The following UGP2 variants were observed in gnomAD, a reference collection of about 807,000 sequenced individuals.
UGP2 encodes the protein UTP--glucose-1-phosphate uridylyltransferase.
Under a neutral mutation model 49.0 loss-of-function variants are expected in UGP2, and 40 were observed. That is an observed-to-expected ratio of 0.82 (90% CI 0.63 to 1.06). The LOEUF (loss-of-function observed/expected upper bound fraction) is 1.06. Ranked by LOEUF, UGP2 falls within the 50% of genes least tolerant of loss-of-function variation. The probability of loss-of-function intolerance (pLI) is 0.00; values close to 1 mark genes in which losing one functional copy is unlikely to be tolerated. For missense variants in UGP2, 460 were observed against 603.5 expected (o/e 0.76, Z 2.49); for synonymous variants, 225 against 213.0 (o/e 1.06, Z -0.49).
chr2:63,891,311 T>A lies in UGP2; in HGVS notation c.*84T>A. The A allele has an allele frequency of 8.6e-7, 1 of 1,164,418 alleles. No individual in the cohort carries two copies. Among genetic ancestry groups the A allele is most frequent in the Non-Finnish European group, 1.3e-6 (1 of 795,202 alleles). 72.1% of individuals were successfully genotyped at this position (1,164,418 alleles called of 1,614,324 possible). On this transcript the variant is annotated 3_prime_UTR_variant, in exon 10 of 10. Transcript: ENST00000337130. The stretch of plus-strand genomic sequence containing the variant: ...CTAGGATTCTAAAATAGGCAGGTAC[T>A]TTACTATGTTACTGTACCCTGCAGT...
intron 3 of UGP2, among the ~76,000 whole-genome samples, chr2:63,861,297 G>C (rs939693533): frequency 6.6e-6 from 1 of 151,838 alleles, no homozygotes; most frequent in Non-Finnish European, 1.5e-5. Context: ...AAGCTTACAC[G>C]TTGGGCATGG....
chr2:63,875,159 C>T (rs902732199), intron 3 of UGP2, among the ~76,000 whole-genome samples: 7 of 152,194 alleles, frequency 4.6e-5, no homozygotes, highest in Admixed American at 2.0e-4. Flanking sequence ...GGCACACAAA[C>T]CCTGTGCAGT....
intron 3 of UGP2, among the ~76,000 whole-genome samples, chr2:63,869,914 TA>T (rs1670433265): frequency 6.6e-6 from 1 of 150,788 alleles, no homozygotes; most frequent in South Asian, 2.1e-4. Context: ...TTAGAGTAAT[TA>T]AAATTAATTT....
intron 1 of UGP2, chr2:63,855,948 A>G (rs1669387705): frequency 4.6e-6 from 1 of 217,528 alleles, no homozygotes; most frequent in Non-Finnish European, 9.3e-6. Context: ...TGCCAAAAGC[A>G]TTAAAAGTCT....
intron 3 of UGP2, among the ~76,000 whole-genome samples, chr2:63,879,496 A>G (rs1163728333): frequency 1.3e-5 from 2 of 152,216 alleles, no homozygotes; most frequent in Non-Finnish European, 2.9e-5. Flanking sequence ...AAACTCAATG[A>G]TATCCCTTGT....
chr2:63,869,706 ATGAT>A (rs1205357844), intron 3 of UGP2, among the ~76,000 whole-genome samples: 56 of 152,152 alleles, frequency 3.7e-4, no homozygotes, highest in Non-Finnish European at 5.3e-4. Flanking sequence ...TTGAGCATGA[ATGAT>A]TGTGTTAGTA....
At chr2:63,882,431 TTTAAA>T in intron 3 of UGP2, 30 bp from the exon 4 acceptor site, 1 of 1,499,800 alleles carries the variant, frequency 6.7e-7, no homozygotes, top group Non-Finnish European at 9.0e-7. Context: ...CTTAAAGCTG[TTTAAA>T]TTACTCCTAT....
intron 3 of UGP2, among the ~76,000 whole-genome samples, chr2:63,871,434 C>T (rs546719215): frequency 2.0e-5 from 3 of 152,112 alleles, no homozygotes; most frequent in African/African-American, 4.8e-5. Flanking sequence ...TACAGGAATG[C>T]GCCACCATGT....
intron 4 of UGP2, 99 bp from the exon 5 acceptor site, chr2:63,883,858 ATGT>A: frequency 1.4e-6 from 2 of 1,416,412 alleles, no homozygotes; most frequent in Non-Finnish European, 1.9e-6. Context: ...CGTACAGATG[ATGT>A]TTTAGATATT....
chr2:63,884,565 A>G (rs1259006149), intron 5 of UGP2, among the ~76,000 whole-genome samples: 2 of 152,146 alleles, frequency 1.3e-5, no homozygotes, highest in African/African-American at 2.4e-5. Flanking sequence ...AAACTGGAGA[A>G]ATAAGACTTC....
chr2:63,887,928 T>G (rs1383934014), intron 8 of UGP2: 1 of 343,210 alleles, frequency 2.9e-6, no homozygotes, highest in Non-Finnish European at 5.4e-6. Context: ...TGGGAAAAGG[T>G]TAATTCTGGC....
intron 1 of UGP2, among the ~76,000 whole-genome samples, chr2:63,851,511 A>T (rs550206434): frequency 6.6e-6 from 1 of 152,348 alleles, no homozygotes; most frequent in Admixed American, 6.5e-5. Context: ...GAAGCAAATC[A>T]AGTAAAACAG....
rs866690731 is a variant in UGP2, at chr2:63,870,218, G to A, written c.256-12248G>A. On this transcript the variant is annotated intron_variant, in intron 3 of 9. Coordinates refer to ENST00000337130, the MANE Select transcript of UGP2 (RefSeq NM_006759.4). The stretch of plus-strand genomic sequence containing the variant: ...ATTACCGGTGTGAGCCACCGTGCCC[G>A]CCCCTAAAATTAATTTTTAAAAACC... Among the ~76,000 whole-genome samples, 3 of 152,134 alleles carry A rather than the reference G, an allele frequency of 2.0e-5. No individual in the cohort carries two copies. The East Asian group carries it at 5.8e-4, about 29-fold the overall frequency.
chr2:63,868,082 A>C (rs932387427), intron 3 of UGP2, among the ~76,000 whole-genome samples: 4 of 152,234 alleles, frequency 2.6e-5, no homozygotes, highest in Non-Finnish European at 5.9e-5. Flanking sequence ...AACTCCAACC[A>C]TGTTTATAGG....
At chr2:63,866,104 T>G (rs1670169071) in intron 3 of UGP2, among the ~76,000 whole-genome samples, 1 of 152,176 alleles carries the variant, frequency 6.6e-6, no homozygotes, top group Non-Finnish European at 1.5e-5. Context: ...CTGGGAAAAT[T>G]TCATAAATCT....
At chr2:63,852,554 G>A (rs1427168965) in intron 1 of UGP2, among the ~76,000 whole-genome samples, 2 of 152,230 alleles carry the variant, frequency 1.3e-5, no homozygotes, top group Non-Finnish European at 1.5e-5. Flanking sequence ...CATAGGCAAT[G>A]AGAATTTCAT....
At chr2:63,880,159 T>TCCCCCTTCCCCCTACCCCTCCCCCCTC (rs1671195944) in intron 3 of UGP2, among the ~76,000 whole-genome samples, 1 of 134,058 alleles carries the variant, frequency 7.5e-6, no homozygotes, top group African/African-American at 2.7e-5. Context: ...CCTCTCCCCT[T>TCCCCCTTCCCCCTACCCCTCCCCCCTC]CCCCCTTCCC....
chr2:63,844,513 G>A (rs1386980975), intron 1 of UGP2, among the ~76,000 whole-genome samples: 2 of 152,064 alleles, frequency 1.3e-5, no homozygotes, highest in Non-Finnish European at 2.9e-5. Flanking sequence ...TACAGGTGAG[G>A]AAAGTTAAGT....
Position 63,842,026 on chromosome 2 carries a change from G to A in UGP2, c.-160G>A, listed in dbSNP as rs1671581239. The A allele has an allele frequency of 1.2e-6, 1 of 817,528 alleles. No homozygotes were observed. The allele number at this position is 817,528 out of a possible 1,614,324, so 50.6% of individuals were successfully genotyped here. A position where few individuals can be genotyped will look rare whatever the true frequency, so the allele number is the denominator to read the frequency against. ...CTTTCTTTTCTTTTTTCTTGAGCCAGTTTTAATCGCTTTGAATAAATACTC... is the reference window on the plus strand; with the variant it reads ...CTTTCTTTTCTTTTTTCTTGAGCCAATTTTAATCGCTTTGAATAAATACTC... On this transcript the variant is annotated 5_prime_UTR_variant, in exon 1 of 10. Transcript: ENST00000337130.
Sources: allele counts gnomAD v4.1 joint callset (sites outside exome capture counted in the v4.1 genomes callset), GRCh38; gene constraint gnomAD v4.1.1; transcripts MANE v1.5; gene names NCBI Gene and HGNC (gene_info 2026-07-23, HGNC 2026-07-21).